Variants in SPOCK1 observed in about 807,000 individuals in gnomAD.
SPOCK1 encodes testican-1.
Under a neutral mutation model 55.3 loss-of-function variants are expected in SPOCK1, and 23 were observed. The observed-to-expected ratio is 0.42, with a 90% CI of 0.30 to 0.59. The LOEUF (loss-of-function observed/expected upper bound fraction) is 0.59, where lower values mean the gene tolerates loss of function less well. Ranked by LOEUF, SPOCK1 falls within the 20% of genes least tolerant of loss-of-function variation. SPOCK1 has a pLI of 0.22. For synonymous variants in SPOCK1, 226 were observed against 221.0 expected (o/e 1.02, Z -0.20); for missense variants, 499 against 552.5 (o/e 0.90, Z 0.97).
chr5:137,144,084 C>T (rs987704123), intron 3 of SPOCK1, among the ~76,000 whole-genome samples: 2 of 152,130 alleles, frequency 1.3e-5, no homozygotes, highest in African/African-American at 2.4e-5. Context: ...GGATGGTCCA[C>T]GATTCCCTCT....
chr5:136,980,167 T>A (rs1391555694), intron 9 of SPOCK1, among the ~76,000 whole-genome samples: 4 of 125,908 alleles, frequency 3.2e-5, no homozygotes, highest in Non-Finnish European at 6.8e-5. Context: ...TATTACTATC[T>A]CCCTGTTTGC....
intron 5 of SPOCK1, among the ~76,000 whole-genome samples, chr5:137,107,446 T>C (rs980468442): frequency 1.3e-5 from 2 of 152,240 alleles, no homozygotes; most frequent in Non-Finnish European, 2.9e-5. Flanking sequence ...CCAGCTGCAC[T>C]GTTGGCCTTC....
intron 2 of SPOCK1, among the ~76,000 whole-genome samples, chr5:137,472,294 T>TC (rs138071393): frequency 0.02 from 2,923 of 149,152 alleles, 38 homozygotes; most frequent in East Asian, 0.021. Flanking sequence ...TCTCTTCAAC[T>TC]CCCCCATCAC....
rs755506669 is a variant in SPOCK1, at chr5:137,166,435, GA to G, written c.233-25742del. On this transcript the variant is annotated intron_variant, in intron 3 of 10. Transcript: ENST00000394945. ...AATGCTAAAGGGAGTACTTCAATTAGAAAAAAAAAAAGACATTAATGAGCAA... is the reference window on the plus strand; with the variant it reads ...AATGCTAAAGGGAGTACTTCAATTAGAAAAAAAAAAGACATTAATGAGCAA... Among the ~76,000 whole-genome samples, 321 of 137,562 alleles carry G rather than the reference GA, an allele frequency of 2.3e-3. 1 individual carries two copies. Among genetic ancestry groups the G allele is most frequent in the African/African-American group, 7.0e-3 (263 of 37,580 alleles). The allele number at this position is 137,562 out of a possible 152,430, so 90.2% of individuals were successfully genotyped here.
intron 6 of SPOCK1, among the ~76,000 whole-genome samples, chr5:136,993,790 T>C (rs942901262): frequency 6.2e-4 from 95 of 152,146 alleles, no homozygotes; most frequent in African/African-American, 2.0e-3. Flanking sequence ...CTGGAAGCCA[T>C]AGGGACAGTG....
At chr5:137,102,317 C>G (rs1247089700) in intron 5 of SPOCK1, among the ~76,000 whole-genome samples, 1 of 152,122 alleles carries the variant, frequency 6.6e-6, no homozygotes, top group Admixed American at 6.5e-5. Context: ...AGGATTAAAA[C>G]ATGAGTAAAT....
chr5:137,014,438 G>T (rs1751411509), intron 6 of SPOCK1, among the ~76,000 whole-genome samples: 1 of 152,190 alleles, frequency 6.6e-6, no homozygotes, highest in Non-Finnish European at 1.5e-5. Flanking sequence ...CCAAGTAGGG[G>T]TGTGGTCTAA....
At chr5:137,216,331 C>T (rs1348774724) in intron 3 of SPOCK1, among the ~76,000 whole-genome samples, 1 of 152,198 alleles carries the variant, frequency 6.6e-6, no homozygotes, top group African/African-American at 2.4e-5. Flanking sequence ...AACATCCAGA[C>T]ATTTATAAAA....
chr5:137,342,754 A>C (rs1453792895), intron 2 of SPOCK1, among the ~76,000 whole-genome samples: 1 of 152,246 alleles, frequency 6.6e-6, no homozygotes, highest in Non-Finnish European at 1.5e-5. Flanking sequence ...TTGAGGAAGG[A>C]GTCAGAGAAC....
intron 2 of SPOCK1, among the ~76,000 whole-genome samples, chr5:137,473,406 C>T (rs1206564338): frequency 6.6e-6 from 1 of 152,092 alleles, no homozygotes; most frequent in African/African-American, 2.4e-5. Flanking sequence ...GAAACAAAAA[C>T]ATACGAATAT....
intron 3 of SPOCK1, among the ~76,000 whole-genome samples, chr5:137,161,001 C>A (rs1754542981): frequency 2.1e-5 from 1 of 47,996 alleles, no homozygotes; most frequent in South Asian, 5.6e-4. Flanking sequence ...AATGAAGAAA[C>A]TGTGAGATAT....
At chr5:137,292,442 A>AGTTGG in intron 2 of SPOCK1, among the ~76,000 whole-genome samples, 1 of 110,810 alleles carries the variant, frequency 9.0e-6, no homozygotes. Flanking sequence ...AAAAAAAAAA[A>AGTTGG]AAAAAAAAAA....
intron 6 of SPOCK1, among the ~76,000 whole-genome samples, chr5:137,059,156 T>C (rs1402302991): frequency 6.6e-6 from 1 of 152,244 alleles, no homozygotes; most frequent in Non-Finnish European, 1.5e-5. Context: ...TTTTAGACAT[T>C]AAGCTTGATA....
chr5:137,229,379 G>A (rs767831753), intron 3 of SPOCK1, among the ~76,000 whole-genome samples: 3 of 152,130 alleles, frequency 2.0e-5, no homozygotes, highest in Non-Finnish European at 4.4e-5. Flanking sequence ...GGCTGGTCTC[G>A]AGGATGACTG....
chr5:137,215,695 A>C (rs1755703763), intron 3 of SPOCK1, among the ~76,000 whole-genome samples: 1 of 152,204 alleles, frequency 6.6e-6, no homozygotes, highest in Admixed American at 6.5e-5. Flanking sequence ...AATAGGGTTC[A>C]TGTTCCCCTA....
chr5:137,184,969 G>C (rs905787378), intron 3 of SPOCK1, among the ~76,000 whole-genome samples: 2 of 152,160 alleles, frequency 1.3e-5, no homozygotes, highest in Non-Finnish European at 2.9e-5. Flanking sequence ...CTCCATCACT[G>C]ACACCTGCTG....
chr5:137,392,003 A>G lies in SPOCK1; in HGVS notation c.186+106370T>C, dbSNP rs150754424. ...CCAACACCTTCACACTGACCTCCAC[A>G]CTGCCAAATCCTAGAACTCTTCTCA... On this transcript the variant is annotated intron_variant, in intron 2 of 10. Transcript: ENST00000394945. Among the ~76,000 whole-genome samples, 523 of 152,136 alleles carry G rather than the reference A, an allele frequency of 3.4e-3. 1 individual carries two copies. Among genetic ancestry groups the G allele is most frequent in the African/African-American group, 0.01 (430 of 41,478 alleles).
chr5:137,249,053 C>T (rs1021743115), intron 3 of SPOCK1, among the ~76,000 whole-genome samples: 1 of 152,200 alleles, frequency 6.6e-6, no homozygotes, highest in Admixed American at 6.5e-5. Context: ...GAAACACAAT[C>T]TATTTTCTCA....
chr5:137,432,551 T>C (rs1246032284), intron 2 of SPOCK1, among the ~76,000 whole-genome samples: 3 of 152,138 alleles, frequency 2.0e-5, no homozygotes, highest in Non-Finnish European at 4.4e-5. Flanking sequence ...GTGAGGCACC[T>C]AGAGTAGTCA....
Sources: allele counts gnomAD v4.1 joint callset (sites outside exome capture counted in the v4.1 genomes callset), GRCh38; gene constraint gnomAD v4.1.1; transcripts MANE v1.5; gene names NCBI Gene and HGNC (gene_info 2026-07-23, HGNC 2026-07-21).